The following ZP3 variants were observed in gnomAD, a reference collection of about 807,000 sequenced individuals.
ZP3 encodes the protein zona pellucida sperm-binding protein 3.
A neutral mutation model predicts 35.6 loss-of-function variants in ZP3; 21 were observed. The ratio of observed to expected loss-of-function variants is 0.59; its 90% CI spans 0.42 to 0.85. The LOEUF is 0.85. ZP3 is among the 40% of genes least tolerant of loss of function. ZP3 has a pLI of 0.00. For missense variants in ZP3, 437 were observed against 536.5 expected (o/e 0.81, Z 1.83); for synonymous variants, 207 against 214.5 (o/e 0.96, Z 0.31).
intron 1 of ZP3, among the ~76,000 whole-genome samples, chr7:76,405,271 T>A (rs1441677990): frequency 2.2e-4 from 2 of 9,130 alleles, no homozygotes; most frequent in Non-Finnish European, 5.3e-4. Context: ...ACCCAGCTAA[T>A]TATATATATA....
At chr7:76,412,965 C>CTTTTTTTT (rs1160174272) in intron 1 of ZP3, among the ~76,000 whole-genome samples, 5 of 102,554 alleles carry the variant, frequency 4.9e-5, no homozygotes, top group Non-Finnish European at 8.7e-5. Flanking sequence ...TCTTCTTCTT[C>CTTTTTTTT]TTTTTTTTTT....
intron 1 of ZP3, among the ~76,000 whole-genome samples, chr7:76,416,537 T>C (rs1375258664): frequency 6.7e-6 from 1 of 150,200 alleles, no homozygotes; most frequent in Non-Finnish European, 1.5e-5. Context: ...GTCAGGCAGG[T>C]GGCTCATGTC....
intron 1 of ZP3, among the ~76,000 whole-genome samples, chr7:76,416,941 C>G (rs1353673807): frequency 2.6e-5 from 2 of 77,250 alleles, no homozygotes; most frequent in Non-Finnish European, 4.6e-5. Flanking sequence ...CATATGTATA[C>G]ATACATATAT....
Position 76,429,619 on chromosome 7 carries a change from G to C in ZP3, c.417G>C (p.Glu139Asp), listed in dbSNP as rs757618822. The C allele has an allele frequency of 6.2e-7, 1 of 1,614,038 alleles. No homozygotes were observed. The highest frequency in any genetic ancestry group is 1.1e-5 in the South Asian group (1 of 91,082). Residue 139 changes from glutamate (E) to aspartate (D), a missense_variant, in exon 2 of 8, where the codon GAG (glutamate) becomes GAC (aspartate). Glu to Asp is a conservative substitution (Grantham distance 45). Coordinates refer to ENST00000394857, the MANE Select transcript of ZP3 (RefSeq NM_001110354.2). The part of the protein sequence containing the change: ...VRTNRAEIPI[E>D]CRYPRQGNVS... Reference sequence around the variant, plus strand: ...CTAACCGCGCAGAGATTCCCATCGAGTGCCGCTACCCCAGGTCGGTGTGGG... The same window carrying C: ...CTAACCGCGCAGAGATTCCCATCGACTGCCGCTACCCCAGGTCGGTGTGGG...
chr7:76,411,013 A>AGAAAAG (rs1554623387), intron 1 of ZP3, among the ~76,000 whole-genome samples: 7 of 131,158 alleles, frequency 5.3e-5, no homozygotes, highest in East Asian at 2.3e-4. Context: ...AAAAAAAAAA[A>AGAAAAG]AAAAGAAAAG....
At chr7:76,423,025 G>GAGAGAAAGAAAGAAAGAAAGAAAGTA (rs1278384225), upstream of ZP3, among the ~76,000 whole-genome samples, 16 of 75,852 alleles carry the variant, frequency 2.1e-4, no homozygotes, top group African/African-American at 7.8e-4. Flanking sequence ...GAGAGAGAGA[G>GAGAGAAAGAAAGAAAGAAAGAAAGTA]AGAAAGAAAG....
intron 1 of ZP3, chr7:76,404,547 T>A: frequency 1.9e-6 from 3 of 1,542,856 alleles, no homozygotes; most frequent in Non-Finnish European, 2.7e-6. Flanking sequence ...CTCCCAGCAC[T>A]TTGGGAGGCC....
At chr7:76,407,975 G>C (rs956887101) in intron 1 of ZP3, among the ~76,000 whole-genome samples, 3 of 152,184 alleles carry the variant, frequency 2.0e-5, no homozygotes, top group Non-Finnish European at 2.9e-5. Flanking sequence ...GGAGAGATGC[G>C]AAGGATATGT....
At chr7:76,438,874 C>G (rs2115944169) in intron 5 of ZP3, among the ~76,000 whole-genome samples, 1 of 123,426 alleles carries the variant, frequency 8.1e-6, no homozygotes, top group Non-Finnish European at 1.7e-5. Flanking sequence ...TGGCTCACGC[C>G]TGTAATCCCA....
intron 1 of ZP3, chr7:76,400,457 C>T (rs781363674): frequency 3.7e-6 from 6 of 1,608,620 alleles, no homozygotes; most frequent in Admixed American, 1.7e-5. Context: ...AGTGCCAGGC[C>T]ACAGCCCAGC....
intron 5 of ZP3, among the ~76,000 whole-genome samples, chr7:76,435,459 G>T (rs1363642763): frequency 6.6e-6 from 1 of 152,228 alleles, no homozygotes; most frequent in African/African-American, 2.4e-5. Context: ...CCAGCCTCAA[G>T]TAGCTTTTAA....
Position 76,440,574 on chromosome 7 carries a change from C to T in ZP3, c.1023C>T (p.Ser341=). ...SHSRRQPHVM[S]QWSRSASRNR... Reference sequence around the variant, plus strand: ...CCAGGAGGCAGCCTCATGTCATGAGCCAGTGGTCCAGGTCTGCTTCCCGTA... The same window carrying T: ...CCAGGAGGCAGCCTCATGTCATGAGTCAGTGGTCCAGGTCTGCTTCCCGTA... The change falls in exon 7 of 8, where the codon AGC becomes AGT. Residue 341 remains serine, a synonymous_variant. Coordinates refer to ENST00000394857, the MANE Select transcript of ZP3 (RefSeq NM_001110354.2). The T allele has an allele frequency of 6.2e-7, 1 of 1,614,134 alleles. No homozygotes were observed. The highest frequency in any genetic ancestry group is 8.5e-7 in the Non-Finnish European group (1 of 1,179,998).
In ZP3 at chr7:76,433,615, C is replaced by T. The variant is rs772983332; in HGVS notation, c.681C>T (p.Ala227=). 1.2e-6 allele frequency: 2 copies of T among 1,612,418 alleles called. No individual in the cohort carries two copies. Among genetic ancestry groups the T allele is most frequent in the Non-Finnish European group, 8.5e-7 (1 of 1,178,868 alleles). The change falls in exon 4 of 8, where the codon GCC becomes GCT. Residue 227 remains alanine (A), a synonymous_variant. Transcript: ENST00000394857. The part of the protein sequence containing the change: ...CVATPTPDQN[A]SPYHTIVDFH... The stretch of plus-strand genomic sequence containing the variant: ...CCACACCGACACCAGACCAGAATGC[C>T]TCCCCTTATCACACCATCGTGGACT...
intron 1 of ZP3, among the ~76,000 whole-genome samples, chr7:76,405,462 G>A (rs1205573113): frequency 2.1e-5 from 3 of 145,362 alleles, no homozygotes; most frequent in Non-Finnish European, 3.0e-5. Flanking sequence ...AATTACAGGC[G>A]TGAGCCACCG....
chr7:76,401,146 A>C (rs1804814751), intron 1 of ZP3: 3 of 1,387,780 alleles, frequency 2.2e-6, no homozygotes, highest in African/African-American at 1.5e-5. Context: ...CATTACCCCC[A>C]TCTTCTTGGA....
At chr7:76,424,080 C>T (rs1755235865), upstream of ZP3, among the ~76,000 whole-genome samples, 1 of 152,080 alleles carries the variant, frequency 6.6e-6, no homozygotes, top group Non-Finnish European at 1.5e-5. Flanking sequence ...CTAATTGATA[C>T]CGCCTCCTTT....
chr7:76,398,435 G>C (rs946167516), intron 1 of ZP3, among the ~76,000 whole-genome samples: 2 of 151,446 alleles, frequency 1.3e-5, no homozygotes, highest in Non-Finnish European at 2.9e-5. Context: ...CTCCCAAGTA[G>C]CTGGGACTAC....
chr7:76,397,584 A>G (rs1804678790), exon 1 of ZP3: 1 of 1,610,372 alleles, frequency 6.2e-7, no homozygotes, highest in Non-Finnish European at 8.5e-7. Flanking sequence ...AGGCTCTGGC[A>G]GGCTGCCAGG....
chr7:76,407,684 G>A (rs1307685399), intron 1 of ZP3, among the ~76,000 whole-genome samples: 1 of 152,088 alleles, frequency 6.6e-6, no homozygotes, highest in Non-Finnish European at 1.5e-5. Context: ...AGTTAGCCAT[G>A]ATCATGCCAC....
Sources: allele counts gnomAD v4.1 joint callset (sites outside exome capture counted in the v4.1 genomes callset), GRCh38; gene constraint gnomAD v4.1.1; transcripts MANE v1.5; gene names NCBI Gene and HGNC (gene_info 2026-07-23, HGNC 2026-07-21).